The following LCP2 variants were observed in gnomAD, a reference collection of about 807,000 sequenced individuals.
LCP2 encodes lymphocyte cytosolic protein 2, also known as 76 kDa tyrosine phosphoprotein.
In LCP2, 29 loss-of-function variants were observed where a neutral mutation model predicts 74.5. The ratio of observed to expected loss-of-function variants is 0.39; its 90% confidence interval spans 0.29 to 0.53. The LOEUF is 0.53. LCP2 is among the 20% of genes least tolerant of loss of function. The pLI is 0.72. For synonymous variants in LCP2, 228 were observed against 229.5 expected (o/e 0.99, Z 0.06); for missense variants, 604 against 634.6 (o/e 0.95, Z 0.52).
chr5:170,257,940 C>T (rs560482244), intron 16 of LCP2, 97 bp downstream of exon 16: 20 of 1,359,532 alleles, frequency 1.5e-5, no homozygotes, highest in African/African-American at 4.3e-5. Flanking sequence ...ACTATCTACC[C>T]GTCATTTCCT....
chr5:170,293,945 T>G (rs1037778015), intron 1 of LCP2, among the ~76,000 whole-genome samples: 4 of 152,242 alleles, frequency 2.6e-5, no homozygotes, highest in Non-Finnish European at 5.9e-5. Context: ...ACCAAGCTGC[T>G]GTTTCAATAA....
At chr5:170,264,308 G>A (rs570069526) in intron 10 of LCP2, among the ~76,000 whole-genome samples, 18 of 152,266 alleles carry the variant, frequency 1.2e-4, no homozygotes, top group African/African-American at 4.1e-4. Context: ...TTTCTTCTAC[G>A]TTTTTATTTT....
intron 5 of LCP2, 51 bp from the exon 6 acceptor site, chr5:170,274,389 G>A: frequency 6.3e-7 from 1 of 1,591,734 alleles, no homozygotes; most frequent in African/African-American, 1.3e-5. Context: ...GCCACCACTT[G>A]AGGGAAAGTC....
At chr5:170,281,997 C>T (rs539212227) in intron 3 of LCP2, among the ~76,000 whole-genome samples, 16 of 152,294 alleles carry the variant, frequency 1.1e-4, no homozygotes, top group African/African-American at 3.4e-4. Context: ...TTAACCAGAC[C>T]GTTGTCAGCT....
rs770492930 is a variant in LCP2, at chr5:170,262,833, C to T, written c.818+9G>A. 2.2e-5 allele frequency: 35 copies of T among 1,613,938 alleles called. No homozygotes were observed. Among genetic ancestry groups the T allele is most frequent in the Non-Finnish European group, 2.7e-5 (32 of 1,179,898 alleles). Reference sequence around the variant, plus strand: ...CCCATGTACCCTCATGTAGATGCAACAGTCTTACCTTCCCGCTGGAATCGA... The same window carrying T: ...CCCATGTACCCTCATGTAGATGCAATAGTCTTACCTTCCCGCTGGAATCGA... On this transcript the variant is annotated intron_variant, in intron 12 of 20. Coordinates refer to ENST00000046794, the MANE Select transcript of LCP2 (RefSeq NM_005565.5).
At chr5:170,264,297 T>C (rs1348014165) in intron 10 of LCP2, among the ~76,000 whole-genome samples, 1 of 152,228 alleles carries the variant, frequency 6.6e-6, no homozygotes, top group Admixed American at 6.5e-5. Context: ...AATTTAGAGA[T>C]TTTCTTCTAC....
rs1008089739 is a variant in LCP2, at chr5:170,247,664, G to A, written c.*1033C>T. On this transcript the variant is annotated 3_prime_UTR_variant, in exon 21 of 21. Transcript: ENST00000046794. ...GAGGAAAGAGTTTAATTACCTCAAA[G>A]CACTTATACAGCCTGTTTGGGAAGG... 3.9e-5 allele frequency: 6 copies of A among 152,188 alleles called. No homozygotes were observed. Among genetic ancestry groups the A allele is most frequent in the African/African-American group, 1.4e-4 (6 of 41,446 alleles). 9.4% of individuals were successfully genotyped at this position (152,188 alleles called of 1,614,324 possible). A position where few individuals can be genotyped will look rare whatever the true frequency, so the allele number is the denominator to read the frequency against.
rs1761680075 is a variant in LCP2, at chr5:170,262,747, G to A, written c.819-5C>T. 8 of 1,613,558 alleles carry A rather than the reference G, an allele frequency of 5.0e-6. No homozygotes were observed. The highest frequency in any genetic ancestry group is 5.1e-6 in the Non-Finnish European group (6 of 1,179,474). ...GGTAAATGCTCCCCGAGTGACCTGT[G>A]GAGTTCAGGAAAAGGATGTGTAAGA... On this transcript the variant is annotated splice_polypyrimidine_tract_variant and splice_region_variant and intron_variant, in intron 12 of 20. Coordinates refer to ENST00000046794, the MANE Select transcript of LCP2 (RefSeq NM_005565.5).
In LCP2 at chr5:170,272,974, C is replaced by T. The variant is rs113714518; in HGVS notation, c.324+1327G>A. The stretch of plus-strand genomic sequence containing the variant: ...TAAATGCTTGTCCCTCATCCTTCTT[C>T]AGCAAAGCCTCCTTCTGGTTTGGTG... On this transcript the variant is annotated intron_variant, in intron 6 of 20. Transcript: ENST00000046794. 6.4e-4 allele frequency among the ~76,000 whole-genome samples: 97 copies of T among 151,628 alleles called. 1 individual carries two copies. The highest frequency in any genetic ancestry group is 2.3e-3 in the African/African-American group (96 of 41,244).
intron 10 of LCP2, among the ~76,000 whole-genome samples, chr5:170,265,156 T>G (rs1322483234): frequency 2.0e-5 from 3 of 151,748 alleles, no homozygotes. Flanking sequence ...CCTGGTTAAT[T>G]TTTTGTATTT....
At chr5:170,278,967 G>A (rs761619121) in intron 3 of LCP2, among the ~76,000 whole-genome samples, 1 of 152,174 alleles carries the variant, frequency 6.6e-6, no homozygotes, top group African/African-American at 2.4e-5. Flanking sequence ...CAACAGTGAT[G>A]GTGGGCATAG....
At position 170,280,705 on chromosome 5, in the gene LCP2, A is replaced by G. The variant is rs1208922757; in HGVS notation, c.189-4845T>C. 2.0e-5 allele frequency among the ~76,000 whole-genome samples: 3 copies of G among 152,242 alleles called. No homozygotes were observed. In the East Asian group the frequency reaches 5.8e-4, roughly 29 times the overall value. On this transcript the variant is annotated intron_variant, in intron 3 of 20. Coordinates refer to ENST00000046794, the MANE Select transcript of LCP2 (RefSeq NM_005565.5). ...GACAAGTATAATTATTCTCATTTTTACAAATAAAAAAGGCAGGGCTGGCCA... is the reference window on the plus strand; with the variant it reads ...GACAAGTATAATTATTCTCATTTTTGCAAATAAAAAAGGCAGGGCTGGCCA...
chr5:170,270,712 C>T lies in LCP2; in HGVS notation c.523+7G>A, dbSNP rs181778827. 855 of 1,564,230 alleles carry T rather than the reference C, an allele frequency of 5.5e-4. 6 individuals carry two copies. In the African/African-American group the frequency reaches 0.011, roughly 20 times the overall value. ...TCGGGCCAGAAAATCCGGAAACGGGCCCTTACCGATGTACATGGAGTTGGA... is the reference window on the plus strand; with the variant it reads ...TCGGGCCAGAAAATCCGGAAACGGGTCCTTACCGATGTACATGGAGTTGGA... On this transcript the variant is annotated splice_region_variant and intron_variant, in intron 7 of 20. Coordinates refer to ENST00000046794, the MANE Select transcript of LCP2 (RefSeq NM_005565.5).
Position 170,269,568 on chromosome 5 carries a change from C to G in LCP2, c.524-1086G>C, listed in dbSNP as rs1362860957. 2.6e-5 allele frequency among the ~76,000 whole-genome samples: 4 copies of G among 152,272 alleles called. No homozygotes were observed. In the East Asian group the frequency reaches 5.8e-4, roughly 22 times the overall value. ...CCAAATGTTCTTCCCTTACCACATC[C>G]ATTTCCACTTGGCCAACTTGTATTT... On this transcript the variant is annotated intron_variant, in intron 7 of 20. Transcript: ENST00000046794.
At chr5:170,289,681 CT>C in intron 2 of LCP2, among the ~76,000 whole-genome samples, 1 of 143,510 alleles carries the variant, frequency 7.0e-6, no homozygotes, top group South Asian at 2.3e-4. Context: ...TTCTCTCTCT[CT>C]CTCTTTCTTT....
Position 170,247,202 on chromosome 5 carries a change from C to T in LCP2, c.*1495G>A, listed in dbSNP as rs1002371151. 3 of 152,086 alleles carry T rather than the reference C, an allele frequency of 2.0e-5. No individual in the cohort carries two copies. The highest frequency in any genetic ancestry group is 6.5e-5 in the Admixed American group (1 of 15,276). The allele number at this position is 152,086 out of a possible 1,614,324, so 9.4% of individuals were successfully genotyped here. A position where few individuals can be genotyped will look rare whatever the true frequency, so the allele number is the denominator to read the frequency against. ...CTAAGTAAATACTTGCTGAATAGCC[C>T]GTTGTGTAGACGTGTAAATGAATGC... On this transcript the variant is annotated 3_prime_UTR_variant, in exon 21 of 21. Coordinates refer to ENST00000046794, the MANE Select transcript of LCP2 (RefSeq NM_005565.5).
chr5:170,287,526 A>G (rs1173743372), intron 3 of LCP2, among the ~76,000 whole-genome samples: 2 of 152,136 alleles, frequency 1.3e-5, no homozygotes, highest in African/African-American at 4.8e-5. Flanking sequence ...CCTGTCAGAT[A>G]TTTCCAAGCA....
intron 3 of LCP2, among the ~76,000 whole-genome samples, chr5:170,280,500 C>T (rs1037306243): frequency 1.3e-5 from 2 of 152,154 alleles, no homozygotes; most frequent in Non-Finnish European, 2.9e-5. Flanking sequence ...CGGGGGCAGC[C>T]AGATGTTTTA....
chr5:170,286,223 C>A (rs1762181505), intron 3 of LCP2, among the ~76,000 whole-genome samples: 3 of 152,178 alleles, frequency 2.0e-5, no homozygotes, highest in South Asian at 4.1e-4. Flanking sequence ...GAGCACAAAT[C>A]CCAACTAAAC....
Sources: gnomAD v4.1 joint callset for allele counts (sites outside exome capture counted in the v4.1 genomes callset) on GRCh38, gnomAD v4.1.1 for gene constraint, MANE v1.5 for transcripts, NCBI Gene and HGNC (gene_info 2026-07-23, HGNC 2026-07-21) for gene names.